SEMA4D: variants seen among roughly 807,000 people sequenced by gnomAD.
The protein encoded by SEMA4D is semaphorin-4D.
SEMA4D carries 22 observed loss-of-function variants against 74.8 expected under a neutral mutation model. That is an observed-to-expected ratio of 0.29 (90% CI 0.21 to 0.42). The LOEUF (loss-of-function observed/expected upper bound fraction) is 0.42, where lower values mean the gene tolerates loss of function less well. SEMA4D is among the 10% of genes least tolerant of loss of function. SEMA4D has a pLI of 1.00. For missense variants in SEMA4D, 937 were observed against 1,118.4 expected, an observed-to-expected ratio of 0.84 and a Z score of 2.31; for synonymous variants, 445 against 463.7, an observed-to-expected ratio of 0.96 and a Z score of 0.52.
chr9:89,470,165 C>T (rs1477459033), intron 1 of SEMA4D, among the ~76,000 whole-genome samples: 1 of 152,132 alleles, frequency 6.6e-6, no homozygotes, highest in Non-Finnish European at 1.5e-5. Context: ...ATGTTTGGCT[C>T]TGTGAAAGAT....
intron 16 of SEMA4D, chr9:89,364,178 C>T: frequency 1.2e-6 from 1 of 839,138 alleles, no homozygotes; most frequent in Non-Finnish European, 1.8e-6. Context: ...CCTTAATTGC[C>T]ATTTTTCAAA....
chr9:89,490,109 T>A (rs1023819222), intron 1 of SEMA4D, among the ~76,000 whole-genome samples: 3 of 151,658 alleles, frequency 2.0e-5, no homozygotes, highest in Non-Finnish European at 4.4e-5. Flanking sequence ...CCCTAACAAC[T>A]AATGATGTTA....
At chr9:89,364,023 G>A in intron 16 of SEMA4D, 1 of 1,612,602 alleles carries the variant, frequency 6.2e-7, no homozygotes, top group Middle Eastern at 1.6e-4. Flanking sequence ...GAGGGTGCAG[G>A]GGGGTTACCT....
intron 2 of SEMA4D, among the ~76,000 whole-genome samples, chr9:89,441,475 C>A (rs1245281689): frequency 3.3e-5 from 5 of 152,348 alleles, no homozygotes; most frequent in African/African-American, 7.2e-5. Flanking sequence ...CAGAGGCAAC[C>A]CTGAGCTCTG....
At chr9:89,418,146 T>C (rs1846105371) in intron 2 of SEMA4D, 1 of 970,658 alleles carries the variant, frequency 1.0e-6, no homozygotes, top group Admixed American at 6.2e-5. Context: ...AACAAGGCTA[T>C]TTAAGCCCTT....
chr9:89,449,160 T>C (rs781503717), intron 2 of SEMA4D, among the ~76,000 whole-genome samples: 9 of 152,154 alleles, frequency 5.9e-5, no homozygotes, highest in Non-Finnish European at 1.3e-4. Context: ...AGATGTACAA[T>C]CTCAGTGGTG....
At chr9:89,450,861 G>C (rs1332093339) in intron 2 of SEMA4D, 3 of 525,496 alleles carry the variant, frequency 5.7e-6, no homozygotes, top group African/African-American at 2.1e-5. Flanking sequence ...CCAGCAGAGT[G>C]GGGGTGTCCC....
chr9:89,495,643 C>T (rs1279915146), intron 1 of SEMA4D, among the ~76,000 whole-genome samples: 1 of 152,204 alleles, frequency 6.6e-6, no homozygotes, highest in Non-Finnish European at 1.5e-5. Context: ...AGGCAGCAGC[C>T]TTTCTCTCAG....
intron 13 of SEMA4D, chr9:89,385,145 C>T (rs553925535): frequency 2.4e-5 from 21 of 891,494 alleles, no homozygotes; most frequent in Non-Finnish European, 2.6e-5. Flanking sequence ...GGCACTGACC[C>T]GTAACCCCCT....
At chr9:89,448,934 C>T (rs1286860837) in intron 2 of SEMA4D, among the ~76,000 whole-genome samples, 2 of 152,148 alleles carry the variant, frequency 1.3e-5, no homozygotes, top group African/African-American at 4.8e-5. Context: ...CCTCCTCCCA[C>T]GGGAAGGCAG....
intron 1 of SEMA4D, among the ~76,000 whole-genome samples, chr9:89,487,480 A>G (rs1427546222): frequency 1.3e-5 from 2 of 152,200 alleles, no homozygotes; most frequent in Non-Finnish European, 2.9e-5. Flanking sequence ...GGAACAGGCA[A>G]GAATGTCCAC....
At chr9:89,455,777 AATGGGC>A (rs1855787041) in intron 2 of SEMA4D, 105 bp downstream of exon 2, 1 of 152,300 alleles carries the variant, frequency 6.6e-6, no homozygotes, top group African/African-American at 2.4e-5. Context: ...TCACACAGTG[AATGGGC>A]ATCGCTGCTG....
At chr9:89,418,061 T>C in intron 2 of SEMA4D, 1 of 983,352 alleles carries the variant, frequency 1.0e-6, no homozygotes, top group South Asian at 4.7e-5. Flanking sequence ...TTTACCTGTA[T>C]CTTATGCCTC....
intron 2 of SEMA4D, chr9:89,449,722 T>C: frequency 6.6e-7 from 1 of 1,515,962 alleles, no homozygotes; most frequent in Non-Finnish European, 9.1e-7. Flanking sequence ...GGTGATGCCG[T>C]GATTATGCAA....
At chr9:89,430,919 G>A (rs1849146108) in intron 2 of SEMA4D, among the ~76,000 whole-genome samples, 1 of 152,236 alleles carries the variant, frequency 6.6e-6, no homozygotes, top group African/African-American at 2.4e-5. Context: ...GGAGGCTGCA[G>A]TGAGCCAAGA....
rs560306542 is a variant in SEMA4D, at chr9:89,379,588, C to A, written c.1705G>T (p.Gly569Cys). The A allele has an allele frequency of 1.9e-6, 3 of 1,612,000 alleles. No homozygotes were observed. The highest frequency in any genetic ancestry group is 2.5e-6 in the Non-Finnish European group (3 of 1,178,648). The change falls in exon 16 of 16, where the codon GGT becomes TGT. Residue 569 changes from glycine (G) to cysteine (C), a missense_variant. Physicochemically the swap from Gly to Cys is radical, Grantham distance 159. Transcript: ENST00000422704. Reference sequence around the variant, plus strand: ...GAGCATTTCAGTTCCGCTGTGCCACCGTGCTTGAAAAAATGCTGCCGGTAA... The same window carrying A: ...GAGCATTTCAGTTCCGCTGTGCCACAGTGCTTGAAAAAATGCTGCCGGTAA... The part of the protein sequence containing the change: ...GSYRQHFFKH[G>C]GTAELKCSQK...
At chr9:89,483,317 A>G (rs1359099336) in intron 1 of SEMA4D, among the ~76,000 whole-genome samples, 1 of 152,232 alleles carries the variant, frequency 6.6e-6, no homozygotes, top group African/African-American at 2.4e-5. Flanking sequence ...CACCTGCTCA[A>G]GAGCTCTGCT....
chr9:89,450,660 G>GGAAAAAAA lies in SEMA4D; in HGVS notation c.-244+5227_-244+5228insTTTTTTTC, dbSNP rs1491451024. Reference sequence around the variant, plus strand: ...GAGTTCTGCAAGTCGAAAAACCCAGGAAAAAAAAAAAAAAAAAAAAAAAAA... The same window carrying GGAAAAAAA: ...GAGTTCTGCAAGTCGAAAAACCCAGGGAAAAAAAAAAAAAAAAAAAAAAAAAAAAAAAA... On this transcript the variant is annotated intron_variant, in intron 2 of 15. Coordinates refer to ENST00000422704, the MANE Select transcript of SEMA4D (RefSeq NM_001371194.2). The GGAAAAAAA allele has an allele frequency of 5.1e-3, 2,175 of 429,640 alleles. 280 individuals are homozygous for GGAAAAAAA. The highest frequency in any genetic ancestry group is 6.6e-3 in the Middle Eastern group (9 of 1,354). 26.6% of individuals were successfully genotyped at this position (429,640 alleles called of 1,614,324 possible). A position where few individuals can be genotyped will look rare whatever the true frequency, so the allele number is the denominator to read the frequency against.
chr9:89,444,349 T>G (rs1175712693), intron 2 of SEMA4D, among the ~76,000 whole-genome samples: 1 of 152,112 alleles, frequency 6.6e-6, no homozygotes, highest in African/African-American at 2.4e-5. Flanking sequence ...GGAGCACTCC[T>G]GCCATCACGG....
Sources: allele counts gnomAD v4.1 joint callset (sites outside exome capture counted in the v4.1 genomes callset), GRCh38; gene constraint gnomAD v4.1.1; transcripts MANE v1.5; gene names NCBI Gene and HGNC (gene_info 2026-07-23, HGNC 2026-07-21).